MAP4: variants seen among roughly 807,000 people sequenced by gnomAD.
MAP4 encodes the protein microtubule-associated protein 4.
In MAP4, 76 loss-of-function variants were observed where a neutral mutation model predicts 170.2. The observed-to-expected ratio is 0.45, with a 90% CI of 0.37 to 0.54. MAP4 has a LOEUF of 0.54. Among genes scored for constraint, MAP4 ranks in the 20% least tolerant of loss-of-function variants. MAP4 has a pLI of 0.00. For synonymous variants in MAP4, 909 were observed against 994.5 expected (o/e 0.91, Z 1.62); for missense variants, 2,506 against 2,748.0 (o/e 0.91, Z 1.97).
intron 10 of MAP4, among the ~76,000 whole-genome samples, chr3:47,886,484 T>C (rs957194076): frequency 6.6e-6 from 1 of 152,120 alleles, no homozygotes; most frequent in Non-Finnish European, 1.5e-5. Flanking sequence ...TATTTTTCCA[T>C]AGAGATGGGT....
intron 2 of MAP4, among the ~76,000 whole-genome samples, chr3:47,994,520 G>A (rs2100094230): frequency 6.6e-6 from 1 of 152,192 alleles, no homozygotes. Flanking sequence ...AGCCTAGGTG[G>A]ATAAGGACAG....
intron 3 of MAP4, 59 bp downstream of exon 3, chr3:47,977,806 C>T (rs959690540): frequency 1.8e-6 from 2 of 1,094,798 alleles, no homozygotes; most frequent in Non-Finnish European, 2.8e-6. Flanking sequence ...AGGAGATTAT[C>T]AAGGTGTTCA....
chr3:48,038,272 C>T (rs557992598), intron 1 of MAP4, among the ~76,000 whole-genome samples: 1 of 150,892 alleles, frequency 6.6e-6, no homozygotes, highest in East Asian at 1.9e-4. Context: ...TGCAAAAGAA[C>T]GTATGAAAGA....
chr3:48,025,903 A>AAAT (rs10645414), intron 1 of MAP4, among the ~76,000 whole-genome samples: 10,193 of 140,166 alleles, frequency 0.073, 429 homozygotes, highest in Non-Finnish European at 0.084. Flanking sequence ...TCTGCCTCAA[A>AAAT]AATAATAATA....
intron 1 of MAP4, among the ~76,000 whole-genome samples, chr3:48,036,539 G>A (rs1044403989): frequency 1.3e-5 from 2 of 152,144 alleles, no homozygotes; most frequent in Non-Finnish European, 2.9e-5. Flanking sequence ...CCAAGGGGGC[G>A]CCTTCTTGAT....
chr3:47,983,035 G>T (rs926513472), intron 2 of MAP4, among the ~76,000 whole-genome samples: 2 of 152,038 alleles, frequency 1.3e-5, no homozygotes, highest in Admixed American at 1.3e-4. Context: ...GTAGCTGGTA[G>T]CTGGGACTAC....
intron 3 of MAP4, among the ~76,000 whole-genome samples, chr3:47,972,702 T>C (rs1319859700): frequency 6.6e-6 from 1 of 151,970 alleles, no homozygotes; most frequent in African/African-American, 2.4e-5. Context: ...CTGGCTAACA[T>C]GGTGAAACCC....
chr3:48,055,140 A>G (rs1186020099), intron 1 of MAP4, among the ~76,000 whole-genome samples: 1 of 152,076 alleles, frequency 6.6e-6, no homozygotes, highest in African/African-American at 2.4e-5. Flanking sequence ...GGCCTCCACC[A>G]TATTATATCA....
intron 1 of MAP4, among the ~76,000 whole-genome samples, chr3:48,083,452 G>C (rs1201677668): frequency 6.6e-6 from 1 of 152,080 alleles, no homozygotes; most frequent in Non-Finnish European, 1.5e-5. Context: ...TGCAACCTCT[G>C]CCTCCCGGGT....
At chr3:47,991,131 T>TA (rs2100091909) in intron 2 of MAP4, among the ~76,000 whole-genome samples, 1 of 152,182 alleles carries the variant, frequency 6.6e-6, no homozygotes, top group African/African-American at 2.4e-5. Context: ...AAATCATACT[T>TA]AGAGAAAAAA....
At position 47,911,624 on chromosome 3, in the gene MAP4, C is replaced by A. The variant is rs1206492408; in HGVS notation, c.2797G>T (p.Ala933Ser). 1.3e-6 allele frequency: 2 copies of A among 1,535,966 alleles called. No homozygotes were observed. The highest frequency in any genetic ancestry group is 1.7e-6 in the Non-Finnish European group (2 of 1,146,800). The change falls in exon 9 of 21, where the codon GCA becomes TCA. Residue 933 changes from alanine to serine, a missense_variant. By Grantham distance (99) the Ala-to-Ser change is moderately conservative. Transcript: ENST00000683076. The surrounding 1 kb of genome is among the most constrained non-coding windows in gnomAD (Gnocchi z 4.0). ...NLKGPLAEVS[A>S]YNVETPLDIR... ...TCCAAAGGGGTTTCTACATTGTATG[C>A]AGAAACTTCTGCTAGGGGTCCTTTC...
intron 12 of MAP4, among the ~76,000 whole-genome samples, chr3:47,872,618 A>T (rs2093781206): frequency 6.6e-6 from 1 of 152,302 alleles, no homozygotes; most frequent in South Asian, 2.1e-4. Context: ...GCAGGGTGCT[A>T]TGTGATCTGA....
chr3:47,875,699 C>A lies in MAP4; in HGVS notation c.5743G>T (p.Asp1915Tyr). ...SARPSILPSK[D>Y]VKPKPIADAK... is the part of the protein sequence containing the mutation. ...TGACCACTTACCTTTGGCTTCACGTCTTTTGAAGGTAAGATGGAAGGCCTG... is the reference window on the plus strand; with the variant it reads ...TGACCACTTACCTTTGGCTTCACGTATTTTGAAGGTAAGATGGAAGGCCTG... Residue 1915 changes from aspartate to tyrosine, a missense_variant, in exon 12 of 21, where the codon GAC (aspartate) becomes TAC (tyrosine). Around this residue, in one of 3 missense-constraint regions of MAP4, gnomAD observed 487 missense variants for 511.6 expected, o/e 0.95. Coordinates refer to ENST00000683076, the MANE Select transcript of MAP4 (RefSeq NM_001385682.1). 6.2e-7 allele frequency: 1 copy of A among 1,612,944 alleles called. No individual in the cohort carries two copies. Among genetic ancestry groups the A allele is most frequent in the Non-Finnish European group, 8.5e-7 (1 of 1,179,940 alleles).
At chr3:48,052,986 A>T (rs1247487850) in intron 1 of MAP4, among the ~76,000 whole-genome samples, 1 of 152,230 alleles carries the variant, frequency 6.6e-6, no homozygotes, top group Non-Finnish European at 1.5e-5. Flanking sequence ...TTCCCAAATT[A>T]TGACATATGT....
chr3:47,922,503 T>A (rs1271370148), intron 4 of MAP4, among the ~76,000 whole-genome samples: 1 of 152,070 alleles, frequency 6.6e-6, no homozygotes, highest in Non-Finnish European at 1.5e-5. Context: ...AAATTTTCAA[T>A]ATATATTTAT....
At chr3:47,943,139 A>G (rs2100057563) in intron 3 of MAP4, among the ~76,000 whole-genome samples, 1 of 152,158 alleles carries the variant, frequency 6.6e-6, no homozygotes, top group African/African-American at 2.4e-5. Context: ...AACTTTCAAA[A>G]TAAAAATAAA....
chr3:48,014,914 G>T (rs1245506915), intron 1 of MAP4, among the ~76,000 whole-genome samples: 1 of 152,070 alleles, frequency 6.6e-6, no homozygotes, highest in African/African-American at 2.4e-5. Context: ...CTGAGTTCTT[G>T]GTTCTGGTGT....
intron 12 of MAP4, among the ~76,000 whole-genome samples, chr3:47,875,157 T>C (rs888928551): frequency 6.6e-6 from 1 of 152,234 alleles, no homozygotes; most frequent in African/African-American, 2.4e-5. Flanking sequence ...CATGCTGAGA[T>C]AAGCTGGAAG....
In MAP4 at chr3:47,897,940, TC is replaced by T. The variant is rs1054558364; in HGVS notation, c.5434+5009del. ...CCAGGCAACAGAGTGAGACTCCATATCGGGGGGGGGAAAAAAAAAAAAGAAA... is the reference window on the plus strand; with the variant it reads ...CCAGGCAACAGAGTGAGACTCCATATGGGGGGGGGAAAAAAAAAAAAGAAA... On this transcript the variant is annotated intron_variant, in intron 10 of 20. Transcript: ENST00000683076. Among the ~76,000 whole-genome samples, 22 of 123,710 alleles carry T rather than the reference TC, an allele frequency of 1.8e-4. No homozygotes were observed. The East Asian group carries it at 4.6e-3, about 26-fold the overall frequency. 81.2% of individuals were successfully genotyped at this position (123,710 alleles called of 152,430 possible).
Sources: allele counts gnomAD v4.1 joint callset (sites outside exome capture counted in the v4.1 genomes callset), GRCh38; gene constraint gnomAD v4.1.1; regional missense constraint gnomAD v4.1.1; non-coding constraint Gnocchi (gnomAD v3.1); transcripts MANE v1.5; gene names NCBI Gene and HGNC (gene_info 2026-07-23, HGNC 2026-07-21).